The following ADARB2 variants were observed in gnomAD, a reference collection of about 807,000 sequenced individuals.
ADARB2 encodes inactive double-stranded RNA-specific editase B2.
ADARB2 carries 25 observed loss-of-function variants against 62.2 expected under a neutral mutation model. The ratio of observed to expected loss-of-function variants is 0.40; its 90% CI spans 0.29 to 0.56. The LOEUF is 0.56. ADARB2 is among the 20% of genes least tolerant of loss of function. The probability of loss-of-function intolerance (pLI) is 0.43; values close to 1 mark genes in which losing one functional copy is unlikely to be tolerated. For missense variants in ADARB2, 1,071 were observed against 1,077.4 expected (o/e 0.99, Z 0.08); for synonymous variants, 572 against 500.8 (o/e 1.14, Z -1.90).
intron 1 of ADARB2, among the ~76,000 whole-genome samples, chr10:1,680,783 G>A (rs976329779): frequency 1.3e-5 from 2 of 152,188 alleles, no homozygotes; most frequent in Non-Finnish European, 2.9e-5. Flanking sequence ...GTAACTCAAC[G>A]TAACAGGCAT....
chr10:1,418,472 G>A (rs578010199), intron 1 of ADARB2, among the ~76,000 whole-genome samples: 1 of 152,304 alleles, frequency 6.6e-6, no homozygotes, highest in Admixed American at 6.5e-5. Context: ...CGAGGCCCAA[G>A]GTACCAAGGA....
chr10:1,189,316 A>G (rs926043073), intron 8 of ADARB2, among the ~76,000 whole-genome samples: 1 of 152,000 alleles, frequency 6.6e-6, no homozygotes. Flanking sequence ...GCCTTCTGGG[A>G]GCTGGTCCAG....
chr10:1,575,429 T>C (rs1327756724), intron 1 of ADARB2, among the ~76,000 whole-genome samples: 2 of 152,162 alleles, frequency 1.3e-5, no homozygotes, highest in Admixed American at 6.6e-5. Context: ...TGGAGAATAA[T>C]GGGTCTTAAA....
intron 1 of ADARB2, among the ~76,000 whole-genome samples, chr10:1,469,211 A>AC (rs1373122861): frequency 6.6e-6 from 1 of 152,212 alleles, no homozygotes; most frequent in African/African-American, 2.4e-5. Context: ...AGCAGAACTA[A>AC]CAGAGCAGCA....
At chr10:1,326,722 C>A (rs989199675) in intron 3 of ADARB2, among the ~76,000 whole-genome samples, 2 of 151,736 alleles carry the variant, frequency 1.3e-5, no homozygotes, top group Non-Finnish European at 2.9e-5. Context: ...CTCCTCACAG[C>A]GCCTCCCCAT....
chr10:1,640,046 C>T (rs1038525557), intron 1 of ADARB2, among the ~76,000 whole-genome samples: 2 of 152,120 alleles, frequency 1.3e-5, no homozygotes, highest in Non-Finnish European at 2.9e-5. Flanking sequence ...TCCCACAGCC[C>T]GTAAACACTG....
At chr10:1,205,926 G>T (rs1589150997) in intron 7 of ADARB2, among the ~76,000 whole-genome samples, 1 of 151,602 alleles carries the variant, frequency 6.6e-6, no homozygotes, top group Admixed American at 6.6e-5. Flanking sequence ...AGGTCACGGG[G>T]CAGCCCGCTG....
chr10:1,231,207 G>T (rs11594345), intron 6 of ADARB2, among the ~76,000 whole-genome samples: 8 of 152,020 alleles, frequency 5.3e-5, no homozygotes, highest in Non-Finnish European at 1.2e-4. Flanking sequence ...GGATAACTCA[G>T]CACCAACCCC....
chr10:1,444,593 T>C (rs1267096322), intron 1 of ADARB2, among the ~76,000 whole-genome samples: 1 of 146,318 alleles, frequency 6.8e-6, no homozygotes, highest in Non-Finnish European at 1.5e-5. Flanking sequence ...CTATTCACCA[T>C]CTTTCTATCT....
At chr10:1,267,052 C>T (rs544908413) in intron 4 of ADARB2, among the ~76,000 whole-genome samples, 2 of 148,994 alleles carry the variant, frequency 1.3e-5, no homozygotes, top group African/African-American at 5.0e-5. Flanking sequence ...ATTCATAAAA[C>T]AAATGACATA....
At chr10:1,349,606 C>T (rs943687619) in intron 3 of ADARB2, among the ~76,000 whole-genome samples, 1 of 152,162 alleles carries the variant, frequency 6.6e-6, no homozygotes, top group Non-Finnish European at 1.5e-5. Flanking sequence ...TCCAACCTCC[C>T]TCACTATCCC....
At chr10:1,557,252 C>T (rs946181808) in intron 1 of ADARB2, among the ~76,000 whole-genome samples, 9 of 152,030 alleles carry the variant, frequency 5.9e-5, no homozygotes, top group African/African-American at 1.9e-4. Flanking sequence ...GTCTGACTCC[C>T]CGTCCTCCCC....
intron 1 of ADARB2, among the ~76,000 whole-genome samples, chr10:1,614,493 G>A (rs1833606268): frequency 1.3e-5 from 2 of 152,192 alleles, no homozygotes; most frequent in African/African-American, 2.4e-5. Flanking sequence ...GGTTTATAAC[G>A]AGTGAAATAA....
chr10:1,715,581 C>T (rs1835007338), intron 1 of ADARB2, among the ~76,000 whole-genome samples: 1 of 152,216 alleles, frequency 6.6e-6, no homozygotes, highest in Admixed American at 6.5e-5. Flanking sequence ...TGCTTCTCAC[C>T]AGTGTTTCCT....
chr10:1,454,363 T>C (rs1452721033), intron 1 of ADARB2, among the ~76,000 whole-genome samples: 1 of 152,092 alleles, frequency 6.6e-6, no homozygotes, highest in Non-Finnish European at 1.5e-5. Flanking sequence ...CCAACGAAAT[T>C]GAAAGCAGGG....
intron 3 of ADARB2, chr10:1,292,115 CTGGG>C (rs1564248214): frequency 6.6e-6 from 1 of 152,316 alleles, no homozygotes; most frequent in East Asian, 1.9e-4. Context: ...CTTGTCTGCA[CTGGG>C]TGTTTCCAGA....
chr10:1,533,076 G>A (rs934215441), intron 1 of ADARB2, among the ~76,000 whole-genome samples: 3 of 151,910 alleles, frequency 2.0e-5, no homozygotes, highest in Non-Finnish European at 4.4e-5. Flanking sequence ...GGGCCCTGGA[G>A]AGTAACGAGC....
intron 1 of ADARB2, among the ~76,000 whole-genome samples, chr10:1,495,143 C>T (rs1726105035): frequency 6.6e-6 from 1 of 152,138 alleles, no homozygotes; most frequent in South Asian, 2.1e-4. Context: ...TGCTTTTTAT[C>T]ATAATTAGTA....
At chr10:1,230,354 G>A (rs1589158859) in intron 6 of ADARB2, among the ~76,000 whole-genome samples, 1 of 152,304 alleles carries the variant, frequency 6.6e-6, no homozygotes, top group Middle Eastern at 3.4e-3. Context: ...CAAACTGGAT[G>A]TGTCCAGCTC....
Sources: allele counts gnomAD v4.1 joint callset (sites outside exome capture counted in the v4.1 genomes callset), GRCh38; gene constraint gnomAD v4.1.1; transcripts MANE v1.5; gene names NCBI Gene and HGNC (gene_info 2026-07-23, HGNC 2026-07-21).